Variants in SYT2 observed in about 807,000 individuals in gnomAD.
SYT2 encodes synaptotagmin 2.
SYT2 carries 15 observed loss-of-function variants against 39.9 expected under a neutral mutation model. The ratio of observed to expected loss-of-function variants is 0.38; its 90% CI spans 0.25 to 0.58. The LOEUF is 0.58. Ranked by LOEUF, SYT2 falls within the 20% of genes least tolerant of loss-of-function variation. The probability of loss-of-function intolerance (pLI) is 0.70; values close to 1 mark genes in which losing one functional copy is unlikely to be tolerated. For missense variants in SYT2, 389 were observed against 530.3 expected, an observed-to-expected ratio of 0.73 and a Z score of 2.62; for synonymous variants, 181 against 204.5, an observed-to-expected ratio of 0.89 and a Z score of 0.98.
intron 1 of SYT2, among the ~76,000 whole-genome samples, chr1:202,699,318 A>G (rs982319547): frequency 2.0e-5 from 3 of 152,152 alleles, no homozygotes; most frequent in Non-Finnish European, 2.9e-5. Flanking sequence ...CACTGCACCC[A>G]GCCTCCAGTG....
intron 1 of SYT2, among the ~76,000 whole-genome samples, chr1:202,611,263 A>G (rs1690877199): frequency 6.6e-6 from 1 of 152,222 alleles, no homozygotes; most frequent in Non-Finnish European, 1.5e-5. Context: ...ATTTTTATAT[A>G]TTCTGCATAC....
chr1:202,674,348 C>T (rs1483710867), intron 1 of SYT2, among the ~76,000 whole-genome samples: 1 of 152,156 alleles, frequency 6.6e-6, no homozygotes. Context: ...TTAATCCGCC[C>T]ACCTCAGCTT....
At chr1:202,671,499 C>T (rs1692589814) in intron 1 of SYT2, among the ~76,000 whole-genome samples, 1 of 152,232 alleles carries the variant, frequency 6.6e-6, no homozygotes, top group African/African-American at 2.4e-5. Flanking sequence ...TGAGGAAATG[C>T]TGGGCCCAAA....
At chr1:202,690,530 A>G (rs932150486) in intron 1 of SYT2, among the ~76,000 whole-genome samples, 3 of 152,224 alleles carry the variant, frequency 2.0e-5, no homozygotes, top group Admixed American at 6.5e-5. Flanking sequence ...AGCCCAAGCC[A>G]TCAGTGCTGC....
At chr1:202,669,579 C>T (rs1344659801) in intron 1 of SYT2, among the ~76,000 whole-genome samples, 2 of 150,782 alleles carry the variant, frequency 1.3e-5, no homozygotes, top group African/African-American at 4.9e-5. Flanking sequence ...GGTGACGGTG[C>T]AAGACTGCAT....
chr1:202,633,333 T>TC (rs938033843), intron 1 of SYT2, among the ~76,000 whole-genome samples: 1 of 152,026 alleles, frequency 6.6e-6, no homozygotes, highest in African/African-American at 2.4e-5. Context: ...CTGCAGTGAC[T>TC]CCAGAGGAGC....
Position 202,601,877 on chromosome 1 carries a change from T to C in SYT2, c.801+13A>G. ...CGTCTTTCTGCCCAACCTGGCCTCA[T>C]CTCTGCTCTTACCTCCTCCTTTTCC... is the stretch of plus-strand genomic sequence containing the variant. On this transcript the variant is annotated intron_variant, in intron 6 of 8. Transcript: ENST00000367268. This position sits in a 1 kb window ranked among gnomAD's most constrained non-coding sequence, Gnocchi z 4.0. The C allele has an allele frequency of 6.2e-7, 1 of 1,612,430 alleles. No individual in the cohort carries two copies. The highest frequency in any genetic ancestry group is 8.5e-7 in the Non-Finnish European group (1 of 1,179,226).
intron 1 of SYT2, among the ~76,000 whole-genome samples, chr1:202,694,558 T>G (rs1653925119): frequency 2.3e-5 from 2 of 85,948 alleles, no homozygotes; most frequent in Non-Finnish European, 4.9e-5. Context: ...GAGGCTGAAT[T>G]TACACACACA....
rs991859082 is a variant in SYT2, at chr1:202,678,413, G to A, written c.-18+31845C>T. ...TGACTGAGGTAAGATCAGATTTAGC[G>A]TCTGTGATTTGGAGACTGCATCTGT... On this transcript the variant is annotated intron_variant, in intron 1 of 8. Coordinates refer to ENST00000367268, the MANE Select transcript of SYT2 (RefSeq NM_177402.5). 6.5e-4 allele frequency among the ~76,000 whole-genome samples: 24 copies of A among 37,178 alleles called. 1 individual carries two copies. The highest frequency in any genetic ancestry group is 3.9e-3 in the Admixed American group (12 of 3,100). 24.4% of individuals were successfully genotyped at this position (37,178 alleles called of 152,430 possible).
rs1690196134 is a variant in SYT2 at position 202,593,563 on chromosome 1, G to C, written c.*3194C>G. On this transcript the variant is annotated 3_prime_UTR_variant, in exon 9 of 9. Coordinates refer to ENST00000367268, the MANE Select transcript of SYT2 (RefSeq NM_177402.5). The stretch of plus-strand genomic sequence containing the variant: ...CTCATCCTCTACTGAGGGACTCCAG[G>C]AAAGTCACTTCTCATTCATGCCAAG... 1 of 152,134 alleles carries C rather than the reference G, an allele frequency of 6.6e-6. No homozygotes were observed. The highest frequency in any genetic ancestry group is 6.5e-5 in the Admixed American group (1 of 15,276). 9.4% of individuals were successfully genotyped at this position (152,134 alleles called of 1,614,324 possible).
intron 1 of SYT2, among the ~76,000 whole-genome samples, chr1:202,661,688 G>C (rs1692385346): frequency 6.6e-6 from 1 of 152,176 alleles, no homozygotes; most frequent in Non-Finnish European, 1.5e-5. Context: ...GGTGTTCAGA[G>C]AGAACACTCT....
chr1:202,650,912 C>T (rs147408835), intron 1 of SYT2, among the ~76,000 whole-genome samples: 15 of 151,942 alleles, frequency 9.9e-5, no homozygotes, highest in Non-Finnish European at 2.2e-4. Flanking sequence ...AAGGGAATAG[C>T]GAGTGCTCCA....
At chr1:202,658,250 G>A (rs1342781756) in intron 1 of SYT2, among the ~76,000 whole-genome samples, 5 of 152,096 alleles carry the variant, frequency 3.3e-5, no homozygotes, top group Non-Finnish European at 7.4e-5. Context: ...AAATGACGAG[G>A]GCATCTGCAC....
chr1:202,622,158 G>C (rs1443108838), intron 1 of SYT2, among the ~76,000 whole-genome samples: 17 of 152,212 alleles, frequency 1.1e-4, no homozygotes, highest in Non-Finnish European at 2.9e-5. Context: ...CAAGACACCT[G>C]TCACCGAAGC....
Position 202,683,688 on chromosome 1 carries a change from G to A in SYT2, c.-18+26570C>T, listed in dbSNP as rs1227324997. Among the ~76,000 whole-genome samples the A allele has an allele frequency of 2.7e-5, 4 of 149,746 alleles. No homozygotes were observed. The East Asian group carries it at 7.8e-4, about 29-fold the overall frequency. ...CTGAAGGAGGTCAAGACTTCAGTGA[G>A]CCACGATGGTGCCACTGCACTCCAG... On this transcript the variant is annotated intron_variant, in intron 1 of 8. Coordinates refer to ENST00000367268, the MANE Select transcript of SYT2 (RefSeq NM_177402.5).
intron 1 of SYT2, among the ~76,000 whole-genome samples, chr1:202,683,520 C>T (rs1056366609): frequency 6.6e-6 from 1 of 152,046 alleles, no homozygotes; most frequent in Non-Finnish European, 1.5e-5. Flanking sequence ...AGAAGGATTG[C>T]TTGAACCTAG....
At chr1:202,693,144 A>G (rs916652625) in intron 1 of SYT2, among the ~76,000 whole-genome samples, 4 of 152,116 alleles carry the variant, frequency 2.6e-5, no homozygotes, top group Admixed American at 2.6e-4. Flanking sequence ...GGCAGCACTG[A>G]GCTCTGTCCA....
chr1:202,680,064 T>C (rs1373981904), intron 1 of SYT2, among the ~76,000 whole-genome samples: 2 of 152,350 alleles, frequency 1.3e-5, no homozygotes, highest in East Asian at 1.9e-4. Context: ...ACTGAACTAA[T>C]AGTTTGCATG....
At chr1:202,707,002 G>A (rs1382513485) in intron 1 of SYT2, among the ~76,000 whole-genome samples, 1 of 152,090 alleles carries the variant, frequency 6.6e-6, no homozygotes, top group African/African-American at 2.4e-5. Flanking sequence ...ATAACTCTTG[G>A]CACAGTCATG....
Sources: allele counts gnomAD v4.1 joint callset (sites outside exome capture counted in the v4.1 genomes callset), GRCh38; gene constraint gnomAD v4.1.1; non-coding constraint Gnocchi (gnomAD v3.1); transcripts MANE v1.5; gene names NCBI Gene and HGNC (gene_info 2026-07-23, HGNC 2026-07-21).